The following BEND3 variants were observed in gnomAD, a reference collection of about 807,000 sequenced individuals.
The protein encoded by BEND3 is BEN domain-containing protein 3.
A neutral mutation model predicts 60.1 loss-of-function variants in BEND3; 13 were observed. The ratio of observed to expected loss-of-function variants is 0.22; its 90% CI spans 0.14 to 0.34. The LOEUF is 0.34. Ranked by LOEUF, BEND3 falls within the 10% of genes least tolerant of loss-of-function variation. The pLI is 1.00. For missense variants in BEND3, 896 were observed against 1,138.1 expected (o/e 0.79, Z 3.06); for synonymous variants, 497 against 491.5 (o/e 1.01, Z -0.15).
At chr6:107,082,758 G>A (rs1455999361) in intron 3 of BEND3, among the ~76,000 whole-genome samples, 3 of 152,202 alleles carry the variant, frequency 2.0e-5, no homozygotes, top group South Asian at 2.1e-4. Context: ...CTAGGTTCTG[G>A]AGTGGTTCTG....
At chr6:107,083,315 T>C (rs1554233779) in intron 3 of BEND3, among the ~76,000 whole-genome samples, 1 of 152,130 alleles carries the variant, frequency 6.6e-6, no homozygotes, top group Non-Finnish European at 1.5e-5. Flanking sequence ...ATATTTCTAA[T>C]TATTCGTTTA....
chr6:107,112,559 C>CA (rs1346983726), intron 1 of BEND3, among the ~76,000 whole-genome samples: 30 of 151,342 alleles, frequency 2.0e-4, no homozygotes, highest in African/African-American at 7.1e-4. Flanking sequence ...GTATCAACAA[C>CA]AACAAAAAAA....
In BEND3 at chr6:107,067,333, T is replaced by G. The variant is rs1774853906; in HGVS notation, c.*1371A>C. The G allele has an allele frequency of 6.6e-6, 1 of 152,222 alleles. No homozygotes were observed. Among genetic ancestry groups the G allele is most frequent in the Non-Finnish European group, 1.5e-5 (1 of 68,048 alleles). 9.4% of individuals were successfully genotyped at this position (152,222 alleles called of 1,614,324 possible). A position where few individuals can be genotyped will look rare whatever the true frequency, so the allele number is the denominator to read the frequency against. ...GCATTCGACTGTTTCCTTTCCCTCT[T>G]AAGCATTTGGCCCCCAGAGTTAGGT... On this transcript the variant is annotated 3_prime_UTR_variant, in exon 4 of 4. Coordinates refer to ENST00000369042, the MANE Select transcript of BEND3 (RefSeq NM_001367314.1).
At chr6:107,073,930 G>A (rs1208847908) in intron 3 of BEND3, among the ~76,000 whole-genome samples, 5 of 152,114 alleles carry the variant, frequency 3.3e-5, no homozygotes, top group African/African-American at 7.2e-5. Context: ...GAGCTGTTCT[G>A]ATAAGAGCAC....
chr6:107,093,167 C>A lies in BEND3; in HGVS notation c.240+5384G>T, dbSNP rs932973064. Among the ~76,000 whole-genome samples the A allele has an allele frequency of 4.6e-5, 7 of 152,092 alleles. No individual in the cohort carries two copies. The East Asian group carries it at 1.3e-3, about 29-fold the overall frequency. On this transcript the variant is annotated intron_variant, in intron 3 of 3. Transcript: ENST00000369042. ...ATGGACAGACAAAAGCCCAGAATAG[C>A]CAACACAATAGTGAAAGAAAAGAAC...
At chr6:107,083,852 G>A (rs782571406) in intron 3 of BEND3, among the ~76,000 whole-genome samples, 1 of 152,212 alleles carries the variant, frequency 6.6e-6, no homozygotes, top group Non-Finnish European at 1.5e-5. Flanking sequence ...ACTCTGGGAG[G>A]CCGAGGTGGG....
At chr6:107,081,374 C>T (rs1039052133) in intron 3 of BEND3, among the ~76,000 whole-genome samples, 4 of 151,928 alleles carry the variant, frequency 2.6e-5, no homozygotes, top group African/African-American at 9.7e-5. Context: ...ACGCCCACCA[C>T]TACGCCTGGC....
At chr6:107,113,071 T>C (rs1554238732) in intron 1 of BEND3, among the ~76,000 whole-genome samples, 1 of 150,894 alleles carries the variant, frequency 6.6e-6, no homozygotes, top group African/African-American at 2.4e-5. Context: ...GGCAGGAAAA[T>C]CCCTTGAACC....
chr6:107,093,478 A>C (rs1340870740), intron 3 of BEND3, among the ~76,000 whole-genome samples: 30 of 152,252 alleles, frequency 2.0e-4, no homozygotes, highest in Admixed American at 1.8e-3. Flanking sequence ...AAAAAAAGAA[A>C]AGAACACAGT....
rs1228036226 is a variant in BEND3 at position 107,067,861 on chromosome 6, C to T, written c.*843G>A. On this transcript the variant is annotated 3_prime_UTR_variant, in exon 4 of 4. Transcript: ENST00000369042. ...AGGAAACATGTCCACTCCCTCCAAC[C>T]AGCAACCATGTATGGAGAAGGAATG... The T allele has an allele frequency of 6.6e-6, 1 of 152,298 alleles. No individual in the cohort carries two copies. Among genetic ancestry groups the T allele is most frequent in the Non-Finnish European group, 1.5e-5 (1 of 68,082 alleles). 9.4% of individuals were successfully genotyped at this position (152,298 alleles called of 1,614,324 possible).
chr6:107,089,617 C>CAA (rs1160943763), intron 3 of BEND3, among the ~76,000 whole-genome samples: 2 of 138,072 alleles, frequency 1.4e-5, no homozygotes, highest in Admixed American at 1.5e-4. Context: ...TTTTTCGAGA[C>CAA]AGAGTCTCGC....
At chr6:107,072,123 C>T (rs376611750) in intron 3 of BEND3, among the ~76,000 whole-genome samples, 1 of 152,162 alleles carries the variant, frequency 6.6e-6, no homozygotes, top group East Asian at 1.9e-4. Flanking sequence ...AGTCAGTGAG[C>T]GCTGGTGGGT....
At chr6:107,071,020 G>A in intron 3 of BEND3, 70 bp from the exon 4 acceptor site, 1 of 1,433,072 alleles carries the variant, frequency 7.0e-7, no homozygotes, top group Admixed American at 2.6e-5. Context: ...ACAAGGGTCT[G>A]TGTAGCACAC....
intron 3 of BEND3, among the ~76,000 whole-genome samples, chr6:107,073,215 A>G (rs1470196574): frequency 0.019 from 99 of 5,124 alleles, 6 homozygotes; most frequent in Non-Finnish European, 0.026. Flanking sequence ...ATATATATAT[A>G]TATATATATA....
At chr6:107,100,340 T>TCAAGTGATTCTCCTGCCTCTGCCTC (rs1376634645) in intron 1 of BEND3, among the ~76,000 whole-genome samples, 2 of 152,172 alleles carry the variant, frequency 1.3e-5, no homozygotes, top group Non-Finnish European at 2.9e-5. Context: ...CCTCCTGGGT[T>TCAAGTGATTCTCCTGCCTCTGCCTC]CAAGTGATTC....
chr6:107,114,978 T>A, intron 1 of BEND3, 112 bp downstream of exon 1: 1 of 136,980 alleles, frequency 7.3e-6, no homozygotes, highest in African/African-American at 2.6e-5. Flanking sequence ...TCCCCTCCCC[T>A]GCTCCCGCCC....
intron 3 of BEND3, among the ~76,000 whole-genome samples, chr6:107,081,778 C>T (rs1163502127): frequency 7.5e-6 from 1 of 132,562 alleles, no homozygotes; most frequent in Non-Finnish European, 1.6e-5. Context: ...GACCCTGTCT[C>T]AAAAAAAAAA....
chr6:107,096,680 C>T (rs553786328), intron 3 of BEND3, among the ~76,000 whole-genome samples: 175 of 152,244 alleles, frequency 1.1e-3, no homozygotes, highest in Middle Eastern at 6.8e-3. Flanking sequence ...TTAGAAAGTA[C>T]ATTAGTGATT....
intron 1 of BEND3, among the ~76,000 whole-genome samples, chr6:107,105,571 G>A (rs1228847551): frequency 6.6e-6 from 1 of 152,094 alleles, no homozygotes; most frequent in Non-Finnish European, 1.5e-5. Flanking sequence ...CAGTTGCTGT[G>A]GAGAGAGCAG....
Sources: allele counts gnomAD v4.1 joint callset (sites outside exome capture counted in the v4.1 genomes callset), GRCh38; gene constraint gnomAD v4.1.1; transcripts MANE v1.5; gene names NCBI Gene and HGNC (gene_info 2026-07-23, HGNC 2026-07-21).